The following KLHL32 variants were observed in gnomAD, a reference collection of about 807,000 sequenced individuals.
The protein encoded by KLHL32 is kelch-like protein 32.
KLHL32 carries 35 observed loss-of-function variants against 64.8 expected under a neutral mutation model. The ratio of observed to expected loss-of-function variants is 0.54; its 90% confidence interval spans 0.41 to 0.72. KLHL32 has a LOEUF of 0.72. Ranked by LOEUF, KLHL32 falls within the 30% of genes least tolerant of loss-of-function variation. KLHL32 has a pLI of 0.00. For synonymous variants in KLHL32, 259 were observed against 281.0 expected, an observed-to-expected ratio of 0.92 and a Z score of 0.78; for missense variants, 589 against 768.5, an observed-to-expected ratio of 0.77 and a Z score of 2.76.
intron 3 of KLHL32, among the ~76,000 whole-genome samples, chr6:96,984,151 C>G (rs953495488): frequency 6.6e-5 from 10 of 152,220 alleles, no homozygotes; most frequent in Admixed American, 5.9e-4. Context: ...AGTAGTCATT[C>G]AGGAGCAGGT....
At chr6:97,118,567 C>T (rs930127358) in intron 7 of KLHL32, among the ~76,000 whole-genome samples, 1 of 137,778 alleles carries the variant, frequency 7.3e-6, no homozygotes. Context: ...TGCAGTGAGG[C>T]GAGGTCACAC....
At chr6:97,109,674 T>G (rs1796862871) in intron 6 of KLHL32, among the ~76,000 whole-genome samples, 1 of 152,190 alleles carries the variant, frequency 6.6e-6, no homozygotes, top group African/African-American at 2.4e-5. Context: ...GAAGATTGAT[T>G]ATGGCATAGG....
At chr6:96,973,329 A>AT (rs1775310965) in intron 2 of KLHL32, among the ~76,000 whole-genome samples, 1 of 152,224 alleles carries the variant, frequency 6.6e-6, no homozygotes, top group African/African-American at 2.4e-5. Context: ...AGTCTTAATA[A>AT]TAAGGACAGG....
At chr6:97,029,173 G>A (rs376941896) in intron 3 of KLHL32, among the ~76,000 whole-genome samples, 117 of 152,238 alleles carry the variant, frequency 7.7e-4, no homozygotes, top group Non-Finnish European at 1.3e-3. Flanking sequence ...GACCCAGGTC[G>A]TTGAAACATG....
chr6:96,984,980 C>A (rs1364587351), intron 3 of KLHL32, among the ~76,000 whole-genome samples: 2 of 151,138 alleles, frequency 1.3e-5, no homozygotes, highest in Admixed American at 1.3e-4. Context: ...ATGGTCTTTA[C>A]AATTTGGCAT....
chr6:97,113,075 T>C (rs1797373313), intron 6 of KLHL32, among the ~76,000 whole-genome samples: 1 of 152,082 alleles, frequency 6.6e-6, no homozygotes, highest in African/African-American at 2.4e-5. Flanking sequence ...TATATTCTGT[T>C]TTTGTGCAAA....
chr6:97,077,276 T>C (rs1351186226), intron 5 of KLHL32, among the ~76,000 whole-genome samples: 1 of 152,218 alleles, frequency 6.6e-6, no homozygotes, highest in Non-Finnish European at 1.5e-5. Context: ...TAAAGTCTAC[T>C]GAAGCAAACG....
At chr6:97,014,419 A>C (rs1291493201) in intron 3 of KLHL32, among the ~76,000 whole-genome samples, 1 of 151,962 alleles carries the variant, frequency 6.6e-6, no homozygotes, top group African/African-American at 2.4e-5. Context: ...TATAATTTAT[A>C]ATTTATAAAT....
rs113780211 is a variant in KLHL32, at chr6:97,060,569, G to A, written c.313-4059G>A. Among the ~76,000 whole-genome samples the A allele has an allele frequency of 9.1e-3, 1,388 of 152,188 alleles. 22 individuals carry two copies. The highest frequency in any genetic ancestry group is 0.03 in the African/African-American group (1,264 of 41,494). ...GGTCCCATTCTCCTCCTCTTTCACC[G>A]GATTCTGGCCCCATATTCTGCCTGG... On this transcript the variant is annotated intron_variant, in intron 4 of 10. Transcript: ENST00000369261.
intron 3 of KLHL32, among the ~76,000 whole-genome samples, chr6:97,006,946 G>A (rs77233533): frequency 0.032 from 4,856 of 152,078 alleles, 107 homozygotes; most frequent in East Asian, 0.07. Context: ...TCTACCTTAT[G>A]GAATCTGAGG....
At chr6:97,097,259 C>T (rs932104239) in intron 6 of KLHL32, among the ~76,000 whole-genome samples, 6 of 152,156 alleles carry the variant, frequency 3.9e-5, no homozygotes, top group Non-Finnish European at 8.8e-5. Context: ...CCTCCATCAC[C>T]GAGCTGTCAC....
In KLHL32 at chr6:97,140,244, C is replaced by G. The variant is rs1215541181; in HGVS notation, c.*962C>G. 1.3e-5 allele frequency: 2 copies of G among 151,940 alleles called. No individual in the cohort carries two copies. The highest frequency in any genetic ancestry group is 2.9e-5 in the Non-Finnish European group (2 of 67,916). 9.4% of individuals were successfully genotyped at this position (151,940 alleles called of 1,614,324 possible). A position where few individuals can be genotyped will look rare whatever the true frequency, so the allele number is the denominator to read the frequency against. On this transcript the variant is annotated 3_prime_UTR_variant, in exon 11 of 11. Coordinates refer to ENST00000369261, the MANE Select transcript of KLHL32 (RefSeq NM_052904.4). ...CTTGCCTCAAGTAACTCTCAGATGT[C>G]TTATTTAAAATCATTTAGTGAAAAA...
At chr6:96,920,877 G>T (rs1458309335), upstream of KLHL32, among the ~76,000 whole-genome samples, 1 of 151,898 alleles carries the variant, frequency 6.6e-6, no homozygotes, top group Non-Finnish European at 1.5e-5. Context: ...TTGAACTTTT[G>T]TTTGAGGTAA....
chr6:96,995,335 A>T (rs1426338547), intron 3 of KLHL32, among the ~76,000 whole-genome samples: 1 of 152,096 alleles, frequency 6.6e-6, no homozygotes, highest in Non-Finnish European at 1.5e-5. Context: ...TTTTAATTTC[A>T]TCCTTTCCCA....
In KLHL32 at chr6:97,130,885, C is replaced by T; in HGVS notation, c.1542C>T (p.Arg514=). 6.2e-7 allele frequency: 1 copy of T among 1,614,048 alleles called. No individual in the cohort carries two copies. The highest frequency in any genetic ancestry group is 8.5e-7 in the Non-Finnish European group (1 of 1,179,956). The change falls in exon 9 of 11, where the codon CGC becomes CGT. Residue 514 remains arginine, a synonymous_variant. Transcript: ENST00000369261. The part of the protein sequence containing the change: ...LDYNNDRILV[R]HIDSYNIDTD... The stretch of plus-strand genomic sequence containing the variant: ...ACAATAATGACCGGATCCTTGTGCG[C>T]CATATAGATTCTTACAACATAGACA...
At chr6:97,060,298 A>G (rs1037988651) in intron 4 of KLHL32, among the ~76,000 whole-genome samples, 4 of 152,218 alleles carry the variant, frequency 2.6e-5, no homozygotes, top group African/African-American at 4.8e-5. Context: ...CCAGCCACCA[A>G]TCCAAGAGGC....
intron 1 of KLHL32, among the ~76,000 whole-genome samples, chr6:96,962,098 C>A (rs1773944327): frequency 6.6e-6 from 1 of 152,098 alleles, no homozygotes; most frequent in African/African-American, 2.4e-5. Context: ...AGCTAGCCAG[C>A]TAGTTTGGAA....
the KLHL32 span, among the ~76,000 whole-genome samples, chr6:96,915,373 T>C: frequency 6.6e-6 from 1 of 152,168 alleles, no homozygotes; most frequent in African/African-American, 2.4e-5. Flanking sequence ...AGCTATGCTA[T>C]TGCAGATCTC....
chr6:97,076,204 AT>A (rs1223906147), intron 5 of KLHL32, among the ~76,000 whole-genome samples: 2 of 152,220 alleles, frequency 1.3e-5, no homozygotes, highest in Non-Finnish European at 2.9e-5. Flanking sequence ...TACAAAAGAA[AT>A]GACAGCTATG....
Sources: allele counts gnomAD v4.1 joint callset (sites outside exome capture counted in the v4.1 genomes callset), GRCh38; gene constraint gnomAD v4.1.1; transcripts MANE v1.5; gene names NCBI Gene and HGNC (gene_info 2026-07-23, HGNC 2026-07-21).